The following ASH2L variants were observed in gnomAD, a reference collection of about 807,000 sequenced individuals.
The protein encoded by ASH2L is set1/Ash2 histone methyltransferase complex subunit ASH2.
Under a neutral mutation model 81.1 loss-of-function variants are expected in ASH2L, and 30 were observed. The ratio of observed to expected loss-of-function variants is 0.37; its 90% CI spans 0.28 to 0.50. ASH2L has a LOEUF of 0.50. Ranked by LOEUF, ASH2L falls within the 20% of genes least tolerant of loss-of-function variation. The pLI, the probability that ASH2L is intolerant of heterozygous loss-of-function variation, is 0.95. For missense variants in ASH2L, 559 were observed against 792.1 expected (o/e 0.71, Z 3.53); for synonymous variants, 273 against 279.9 (o/e 0.98, Z 0.24).
chr8:38,126,778 C>T (rs1045180531), intron 10 of ASH2L, among the ~76,000 whole-genome samples: 2 of 147,836 alleles, frequency 1.4e-5, no homozygotes, highest in Non-Finnish European at 3.0e-5. Context: ...GGCGTGAACC[C>T]GGGAGGCGGA....
chr8:38,119,735 G>A (rs564163385), intron 9 of ASH2L, among the ~76,000 whole-genome samples: 3 of 152,098 alleles, frequency 2.0e-5, no homozygotes, highest in East Asian at 1.9e-4. Flanking sequence ...AACCTGGGAG[G>A]CGGGTGGCAG....
chr8:38,118,794 T>A (rs1811013738), intron 8 of ASH2L, among the ~76,000 whole-genome samples: 1 of 152,234 alleles, frequency 6.6e-6, no homozygotes, highest in Non-Finnish European at 1.5e-5. Context: ...GCTTTTATGA[T>A]GTTTATGGAC....
At chr8:38,129,973 T>A (rs1585601427) in intron 12 of ASH2L, among the ~76,000 whole-genome samples, 1 of 152,180 alleles carries the variant, frequency 6.6e-6, no homozygotes, top group African/African-American at 2.4e-5. Context: ...ATATTTAGCT[T>A]TATAAGAAAT....
chr8:38,120,001 T>G (rs1811070537), intron 9 of ASH2L, among the ~76,000 whole-genome samples: 1 of 152,086 alleles, frequency 6.6e-6, no homozygotes, highest in Non-Finnish European at 1.5e-5. Flanking sequence ...GGCACGTGCC[T>G]ATAATCCCAG....
At chr8:38,106,800 C>T (rs553276451) in intron 2 of ASH2L, among the ~76,000 whole-genome samples, 13 of 151,604 alleles carry the variant, frequency 8.6e-5, no homozygotes, top group African/African-American at 1.9e-4. Context: ...CGTGAGCCAC[C>T]GCGCCCGGCC....
At chr8:38,129,000 A>G (rs766288570) in intron 12 of ASH2L, 49 bp downstream of exon 12, 1 of 1,583,630 alleles carries the variant, frequency 6.3e-7, no homozygotes, top group Non-Finnish European at 8.6e-7. Context: ...GGCCTGTGGC[A>G]GCCAGTGCTT....
chr8:38,138,660 A>T, intron 14 of ASH2L, 156 bp from the exon 15 acceptor site: 1 of 595,710 alleles, frequency 1.7e-6, no homozygotes, highest in South Asian at 2.2e-5. Flanking sequence ...CAGGATGTTG[A>T]CCACTTTTAG....
At chr8:38,125,769 G>A (rs1042263805) in intron 10 of ASH2L, among the ~76,000 whole-genome samples, 1 of 152,116 alleles carries the variant, frequency 6.6e-6, no homozygotes, top group African/African-American at 2.4e-5. Flanking sequence ...TTTAGCAGTG[G>A]AGAAACCTGG....
chr8:38,138,446 A>T (rs549070188), intron 14 of ASH2L: 53 of 200,512 alleles, frequency 2.6e-4, no homozygotes, highest in Middle Eastern at 2.2e-3. Flanking sequence ...AGGTGAACAT[A>T]AAGTAGCTGC....
At chr8:38,137,297 A>G (rs1213864148) in intron 14 of ASH2L, among the ~76,000 whole-genome samples, 1 of 150,910 alleles carries the variant, frequency 6.6e-6, no homozygotes, top group African/African-American at 2.4e-5. Flanking sequence ...CTGTAATCCC[A>G]GCACTTTGGG....
Position 38,106,998 on chromosome 8 carries a change from A to G in ASH2L, c.256-23A>G, listed in dbSNP as rs747126735. On this transcript the variant is annotated intron_variant, in intron 2 of 15. Coordinates refer to ENST00000343823, the MANE Select transcript of ASH2L (RefSeq NM_004674.5). The stretch of plus-strand genomic sequence containing the variant: ...AAATACATTCAAGTCAACTGATTTG[A>G]GTCTCGAACTGCTCTGACACAGGAA... The G allele has an allele frequency of 1.9e-6, 3 of 1,612,580 alleles. No individual in the cohort carries two copies. In the Admixed American group the frequency reaches 5.0e-5, roughly 27 times the overall value.
At chr8:38,121,458 G>A (rs1035344262) in intron 10 of ASH2L, among the ~76,000 whole-genome samples, 17 of 147,328 alleles carry the variant, frequency 1.2e-4, no homozygotes, top group African/African-American at 3.8e-4. Flanking sequence ...TTCTCATCAA[G>A]CTTTTCCTAA....
intron 1 of ASH2L, 98 bp from the exon 2 acceptor site, chr8:38,106,280 G>C: frequency 7.2e-7 from 1 of 1,397,798 alleles, no homozygotes; most frequent in Non-Finnish European, 1.0e-6. Flanking sequence ...AGCTGCAGGA[G>C]TATGAAGTTC....
intron 13 of ASH2L, among the ~76,000 whole-genome samples, chr8:38,135,160 T>C (rs1009694082): frequency 8.3e-4 from 127 of 152,326 alleles, no homozygotes; most frequent in African/African-American, 2.9e-3. Flanking sequence ...CAGCTTACTT[T>C]TATAAATACA....
rs1050610970 is a variant in ASH2L at position 38,134,457 on chromosome 8, G to A, written c.1620+911G>A. 2.0e-5 allele frequency among the ~76,000 whole-genome samples: 3 copies of A among 152,194 alleles called. 1 individual carries two copies. Among genetic ancestry groups the A allele is most frequent in the Middle Eastern group, 6.3e-3 (2 of 316 alleles). ...GGAGTGGGAGAGTAGACCTTGTGGT[G>A]TGGCCCAGGGGCACTAGGAGCTGTA... On this transcript the variant is annotated intron_variant, in intron 13 of 15. Coordinates refer to ENST00000343823, the MANE Select transcript of ASH2L (RefSeq NM_004674.5).
chr8:38,138,746 G>A lies in ASH2L; in HGVS notation c.1720-70G>A. On this transcript the variant is annotated intron_variant, in intron 14 of 15. Transcript: ENST00000343823. ...GCCACATTTAAAGTGAAAATTTCCTGTGTCAAATTAACTTTTCCAATATTT... is the reference window on the plus strand; with the variant it reads ...GCCACATTTAAAGTGAAAATTTCCTATGTCAAATTAACTTTTCCAATATTT... 6.6e-6 allele frequency: 9 copies of A among 1,354,548 alleles called. 1 individual carries two copies. The South Asian group carries it at 1.1e-4, about 16-fold the overall frequency. The allele number at this position is 1,354,548 out of a possible 1,614,324, so 83.9% of individuals were successfully genotyped here. A position where few individuals can be genotyped will look rare whatever the true frequency, so the allele number is the denominator to read the frequency against.
At chr8:38,111,533 G>C (rs924309195) in intron 5 of ASH2L, among the ~76,000 whole-genome samples, 1 of 151,710 alleles carries the variant, frequency 6.6e-6, no homozygotes, top group Non-Finnish European at 1.5e-5. Flanking sequence ...GACTACAGGT[G>C]CACACCACCA....
intron 6 of ASH2L, chr8:38,114,685 A>T (rs1041213420): frequency 9.9e-6 from 5 of 506,982 alleles, no homozygotes; most frequent in Non-Finnish European, 1.8e-5. Context: ...TTTGTGAAAT[A>T]GAAGGATAGG....
intron 1 of ASH2L, 37 bp from the exon 2 acceptor site, chr8:38,106,341 T>C: frequency 6.2e-7 from 1 of 1,601,246 alleles, no homozygotes; most frequent in Non-Finnish European, 8.6e-7. Context: ...AGGTTTGTCT[T>C]GAGAATTCTT....
Sources: gnomAD v4.1 joint callset for allele counts (sites outside exome capture counted in the v4.1 genomes callset) on GRCh38, gnomAD v4.1.1 for gene constraint, MANE v1.5 for transcripts, NCBI Gene and HGNC (gene_info 2026-07-23, HGNC 2026-07-21) for gene names.